CBR4: variants seen among roughly 807,000 people sequenced by gnomAD.
CBR4 encodes the protein carbonyl reductase 4, also known as 3-oxoacyl-[acyl-carrier-protein] reductase.
CBR4 carries 22 observed loss-of-function variants against 21.0 expected under a neutral mutation model. The ratio of observed to expected loss-of-function variants is 1.05; its 90% CI spans 0.75 to 1.50. The LOEUF is 1.50. Among genes scored for constraint, CBR4 ranks in the 40% most tolerant of loss-of-function variants. The probability of loss-of-function intolerance (pLI) is 0.00; values close to 1 mark genes in which losing one functional copy is unlikely to be tolerated. For missense variants in CBR4, 302 were observed against 286.3 expected, an observed-to-expected ratio of 1.05 and a Z score of -0.40; for synonymous variants, 100 against 104.4, an observed-to-expected ratio of 0.96 and a Z score of 0.26.
chr4:168,985,990 T>C (rs1434752609), downstream of CBR4, among the ~76,000 whole-genome samples: 3 of 151,336 alleles, frequency 2.0e-5, no homozygotes, highest in East Asian at 3.9e-4. Flanking sequence ...AAATTATCTG[T>C]ACACCAAACC....
chr4:168,927,311 T>G lies in CBR4; in HGVS notation n.170-32546A>C, dbSNP rs773353973. On this transcript the variant is annotated intron_variant and non_coding_transcript_variant, in intron 2 of 3. Coordinates refer to the CBR4 transcript ENST00000509108. ...GAGGTAGCAAAGGCCAGGCTTTTCT[T>G]TGGTTTTCTTCAAACATAGGTGAAA... 2.7e-4 allele frequency: 63 copies of G among 232,082 alleles called. No individual in the cohort carries two copies. The Middle Eastern group carries it at 7.7e-3, about 28-fold the overall frequency. 14.4% of individuals were successfully genotyped at this position (232,082 alleles called of 1,614,324 possible).
chr4:168,963,215 CCAA>C (rs939374034), intron 2 of CBR4, among the ~76,000 whole-genome samples: 2 of 152,126 alleles, frequency 1.3e-5, no homozygotes, highest in African/African-American at 4.8e-5. Flanking sequence ...CAACTGACTG[CCAA>C]AAGCCAGTTT....
intron 2 of CBR4, among the ~76,000 whole-genome samples, chr4:168,969,911 G>T (rs1196839885): frequency 1.3e-5 from 2 of 152,118 alleles, no homozygotes; most frequent in African/African-American, 2.4e-5. Context: ...GAGAAGGCCT[G>T]CCCTATATCA....
intron 2 of CBR4, among the ~76,000 whole-genome samples, chr4:168,909,992 A>G (rs975622387): frequency 2.6e-5 from 4 of 152,178 alleles, no homozygotes; most frequent in Non-Finnish European, 5.9e-5. Flanking sequence ...TCAAACTAAT[A>G]ATTCTGCCTC....
intron 2 of CBR4, among the ~76,000 whole-genome samples, chr4:168,970,572 T>G (rs1374612811): frequency 6.6e-6 from 1 of 152,218 alleles, no homozygotes; most frequent in Non-Finnish European, 1.5e-5. Context: ...TCTGAGATTT[T>G]GATGTATCCA....
intron 2 of CBR4, among the ~76,000 whole-genome samples, chr4:168,974,016 C>A (rs1284426381): frequency 6.6e-6 from 1 of 151,868 alleles, no homozygotes; most frequent in Admixed American, 6.6e-5. Flanking sequence ...TTTTATAGAT[C>A]CTGTGAGATT....
intron 2 of CBR4, among the ~76,000 whole-genome samples, chr4:168,953,273 C>T (rs909480511): frequency 1.3e-5 from 2 of 152,172 alleles, no homozygotes; most frequent in South Asian, 2.1e-4. Context: ...CGTGCCCCCC[C>T]GCAAAAGCAC....
In CBR4 at chr4:168,980,351, C is replaced by T. The variant is rs1764512362; in HGVS notation, n.169+21720G>A. Among the ~76,000 whole-genome samples, 9 of 152,342 alleles carry T rather than the reference C, an allele frequency of 5.9e-5. No individual in the cohort carries two copies. In the South Asian group the frequency reaches 1.9e-3, roughly 32 times the overall value. On this transcript the variant is annotated intron_variant and non_coding_transcript_variant, in intron 2 of 3. Coordinates refer to the CBR4 transcript ENST00000509108. The stretch of plus-strand genomic sequence containing the variant: ...ACAGGGCTGAGCAAGAGCCTACCTA[C>T]TGGCCAGTATGCTTAAACACATCAC...
intron 2 of CBR4, among the ~76,000 whole-genome samples, chr4:168,964,772 G>C (rs1012669666): frequency 6.6e-6 from 1 of 152,190 alleles, no homozygotes; most frequent in Non-Finnish European, 1.5e-5. Flanking sequence ...CAAGGTTGAA[G>C]AAACATTGAT....
chr4:168,981,979 T>TA (rs1764560494), intron 2 of CBR4, among the ~76,000 whole-genome samples: 1 of 152,198 alleles, frequency 6.6e-6, no homozygotes, highest in African/African-American at 2.4e-5. Flanking sequence ...ACACACTCTA[T>TA]TAACACTATA....
At chr4:168,986,102 C>A (rs576344563), downstream of CBR4, among the ~76,000 whole-genome samples, 1 of 150,898 alleles carries the variant, frequency 6.6e-6, no homozygotes. Context: ...GGGGGGGGAA[C>A]AATAAAAATA....
At chr4:168,929,597 A>G (rs537424713) in intron 2 of CBR4, among the ~76,000 whole-genome samples, 22 of 152,326 alleles carry the variant, frequency 1.4e-4, no homozygotes, top group Non-Finnish European at 2.8e-4. Flanking sequence ...ACCCCTTTAA[A>G]TTATAGAAAT....
intron 3 of CBR4, 138 bp from the exon 4 acceptor site, chr4:169,002,343 T>A: frequency 2.2e-6 from 2 of 918,646 alleles, no homozygotes; most frequent in Non-Finnish European, 2.9e-6. Context: ...TTAGAAATTC[T>A]AACCATTGTC....
chr4:168,967,315 A>G (rs1448222637), intron 2 of CBR4, among the ~76,000 whole-genome samples: 4 of 151,874 alleles, frequency 2.6e-5, no homozygotes, highest in African/African-American at 9.7e-5. Flanking sequence ...ATGAGAATAC[A>G]TGGACACAGG....
At chr4:168,975,313 G>C (rs979839059) in intron 2 of CBR4, among the ~76,000 whole-genome samples, 2 of 152,202 alleles carry the variant, frequency 1.3e-5, no homozygotes, top group Admixed American at 1.3e-4. Flanking sequence ...AGGTGGCAGG[G>C]GAGTAAAGTG....
intron 1 of CBR4, among the ~76,000 whole-genome samples, chr4:169,008,322 A>G (rs189386119): frequency 5.9e-5 from 9 of 151,618 alleles, no homozygotes; most frequent in Admixed American, 2.0e-4. Context: ...CCACGGGGGG[A>G]AAAAAACACT....
At chr4:168,951,110 G>A (rs1309477906) in intron 2 of CBR4, among the ~76,000 whole-genome samples, 1 of 152,124 alleles carries the variant, frequency 6.6e-6, no homozygotes, top group Non-Finnish European at 1.5e-5. Flanking sequence ...CCAGGCTGGA[G>A]TGCAGTGGTG....
chr4:168,919,963 C>T (rs1761101053), intron 2 of CBR4, among the ~76,000 whole-genome samples: 1 of 151,932 alleles, frequency 6.6e-6, no homozygotes, highest in Non-Finnish European at 1.5e-5. Context: ...CTGTGAATCA[C>T]GTGGTTTGAG....
intron 2 of CBR4, among the ~76,000 whole-genome samples, chr4:168,949,243 T>C (rs1051209702): frequency 1.1e-4 from 16 of 152,348 alleles, no homozygotes; most frequent in Admixed American, 2.0e-4. Context: ...TGAATTCTTT[T>C]ATCAGTTCTG....
Sources: allele counts gnomAD v4.1 joint callset (sites outside exome capture counted in the v4.1 genomes callset), GRCh38; gene constraint gnomAD v4.1.1; transcripts MANE v1.5; gene names NCBI Gene and HGNC (gene_info 2026-07-23, HGNC 2026-07-21).